Variants in XIRP2 observed in about 807,000 individuals in gnomAD.
The protein encoded by XIRP2 is xin actin-binding repeat-containing protein 2.
XIRP2 carries 236 observed loss-of-function variants against 277.0 expected under a neutral mutation model. That is an observed-to-expected ratio of 0.85 (90% CI 0.77 to 0.95). The LOEUF (loss-of-function observed/expected upper bound fraction) is 0.95. Ranked by LOEUF, XIRP2 falls within the 40% of genes least tolerant of loss-of-function variation. XIRP2 has a pLI of 0.00. For synonymous variants in XIRP2, 1,490 were observed against 1,416.5 expected (o/e 1.05, Z -1.17); for missense variants, 4,640 against 4,157.5 (o/e 1.12, Z -3.19).
intron 2 of XIRP2, among the ~76,000 whole-genome samples, chr2:166,951,474 T>G (rs529384487): frequency 1.3e-5 from 2 of 151,722 alleles, no homozygotes; most frequent in Non-Finnish European, 2.9e-5. Context: ...AAGGCAGAGG[T>G]TGCAGTGAGC....
intron 2 of XIRP2, among the ~76,000 whole-genome samples, chr2:167,127,052 T>G (rs1331138477): frequency 6.6e-6 from 1 of 152,202 alleles, no homozygotes; most frequent in Non-Finnish European, 1.5e-5. Flanking sequence ...GCCAACTCTC[T>G]TCTATAGGAA....
chr2:167,192,025 A>G (rs904008634), intron 3 of XIRP2, among the ~76,000 whole-genome samples: 82 of 152,340 alleles, frequency 5.4e-4, no homozygotes, highest in African/African-American at 2.0e-3. Flanking sequence ...AGTTATCAAC[A>G]TAGAAAAGCT....
chr2:167,214,122 GAAGGAAGGAAGGAAGC>G lies in XIRP2; in HGVS notation c.723+3230_723+3245del, dbSNP rs1309407939. On this transcript the variant is annotated intron_variant, in intron 4 of 10. Transcript: ENST00000409195. ...GGAAGGAAGGAAGGAAGGAAGGAAG[GAAGGAAGGAAGGAAGC>G]AAAGAGAAAGAGAAAGAAGGAAAGA... Among the ~76,000 whole-genome samples the G allele has an allele frequency of 1.1e-4, 14 of 123,394 alleles. 1 individual carries two copies. The highest frequency in any genetic ancestry group is 5.0e-4 in the African/African-American group (14 of 27,786). 81.0% of individuals were successfully genotyped at this position (123,394 alleles called of 152,430 possible). A position where few individuals can be genotyped will look rare whatever the true frequency, so the allele number is the denominator to read the frequency against.
chr2:167,029,332 G>A (rs955352799), intron 2 of XIRP2, among the ~76,000 whole-genome samples: 1 of 152,058 alleles, frequency 6.6e-6, no homozygotes, highest in African/African-American at 2.4e-5. Flanking sequence ...TATGATATTG[G>A]CTGTGAGTTT....
chr2:166,938,387 C>T (rs1685582488), intron 2 of XIRP2, among the ~76,000 whole-genome samples: 1 of 152,182 alleles, frequency 6.6e-6, no homozygotes, highest in Non-Finnish European at 1.5e-5. Flanking sequence ...TGTTCAGTTT[C>T]CATGTAGCTG....
intron 3 of XIRP2, among the ~76,000 whole-genome samples, chr2:167,196,281 T>C (rs551511120): frequency 6.6e-6 from 1 of 152,240 alleles, no homozygotes; most frequent in African/African-American, 2.4e-5. Flanking sequence ...AGAGATTAAA[T>C]AGTTACTAGA....
At chr2:166,937,472 T>C (rs1292616113) in intron 2 of XIRP2, among the ~76,000 whole-genome samples, 1 of 152,228 alleles carries the variant, frequency 6.6e-6, no homozygotes, top group Non-Finnish European at 1.5e-5. Flanking sequence ...ATAAGGTTTT[T>C]GATGTGCTGC....
intron 2 of XIRP2, among the ~76,000 whole-genome samples, chr2:167,003,533 A>G (rs1293185680): frequency 6.6e-6 from 1 of 151,736 alleles, no homozygotes; most frequent in Non-Finnish European, 1.5e-5. Context: ...TCAGAGTGCA[A>G]ATTTATGCAA....
intron 2 of XIRP2, among the ~76,000 whole-genome samples, chr2:166,974,913 C>G (rs1033929508): frequency 6.6e-6 from 1 of 151,808 alleles, no homozygotes; most frequent in Non-Finnish European, 1.5e-5. Flanking sequence ...AAATAAACAA[C>G]ATATATTGAA....
In XIRP2 at chr2:166,974,733, G is replaced by T. The variant is rs11901543; in HGVS notation, c.408+70843G>T. Among the ~76,000 whole-genome samples the T allele has an allele frequency of 1.5e-3, 232 of 151,942 alleles. 2 individuals are homozygous for T. The highest frequency in any genetic ancestry group is 4.9e-3 in the African/African-American group (205 of 41,512). ...GTATAGGAGTAACAAGAGAAGAGAA[G>T]AACAGATAGAACAAATATAAAAATA... On this transcript the variant is annotated intron_variant, in intron 2 of 10. Transcript: ENST00000409195.
At chr2:167,140,315 A>G (rs1378363374) in intron 3 of XIRP2, among the ~76,000 whole-genome samples, 1 of 152,220 alleles carries the variant, frequency 6.6e-6, no homozygotes, top group African/African-American at 2.4e-5. Flanking sequence ...GAATCCCCTC[A>G]GGTCAGAAGC....
chr2:167,179,642 ATTTTT>A (rs58591089), intron 3 of XIRP2, among the ~76,000 whole-genome samples: 14 of 136,404 alleles, frequency 1.0e-4, no homozygotes, highest in Non-Finnish European at 2.1e-4. Context: ...TTATCTGATA[ATTTTT>A]TTTTTTTTTT....
chr2:166,911,261 G>C (rs953682180), intron 2 of XIRP2, among the ~76,000 whole-genome samples: 6 of 152,098 alleles, frequency 3.9e-5, no homozygotes, highest in Non-Finnish European at 8.8e-5. Flanking sequence ...TCTCTTTGTA[G>C]GTCACTCAGG....
chr2:167,069,784 A>T (rs1303851002), intron 2 of XIRP2, among the ~76,000 whole-genome samples: 1 of 151,932 alleles, frequency 6.6e-6, no homozygotes, highest in Non-Finnish European at 1.5e-5. Context: ...GGTTTATTTC[A>T]TTTTTGTCAT....
intron 2 of XIRP2, among the ~76,000 whole-genome samples, chr2:167,078,325 A>G (rs1350033807): frequency 6.6e-6 from 1 of 152,122 alleles, no homozygotes; most frequent in Non-Finnish European, 1.5e-5. Flanking sequence ...GTACATTGAT[A>G]CTGTGTCCTG....
intron 2 of XIRP2, among the ~76,000 whole-genome samples, chr2:167,083,828 A>C (rs1399987725): frequency 6.6e-6 from 1 of 152,122 alleles, no homozygotes; most frequent in East Asian, 1.9e-4. Context: ...TGTCAGCTTA[A>C]GGAGATTTTG....
rs1020928084 is a variant in XIRP2, at chr2:166,934,860, A to AATT, written c.408+30970_408+30971insATT. ...TGTCTCTACTAAAAATAAAAAAAAA[A>AATT]TTTTTTAAAAAAGAAAAATAATTAA... On this transcript the variant is annotated intron_variant, in intron 2 of 10. Transcript: ENST00000409195. Among the ~76,000 whole-genome samples, 147 of 139,894 alleles carry AATT rather than the reference A, an allele frequency of 1.1e-3. No homozygotes were observed. The East Asian group carries it at 0.021, about 20-fold the overall frequency. 91.8% of individuals were successfully genotyped at this position (139,894 alleles called of 152,430 possible).
At chr2:167,155,753 T>C (rs377760645) in intron 3 of XIRP2, among the ~76,000 whole-genome samples, 1 of 151,752 alleles carries the variant, frequency 6.6e-6, no homozygotes, top group Non-Finnish European at 1.5e-5. Context: ...CCAGGGCAAT[T>C]AGGCAGGAGA....
intron 2 of XIRP2, among the ~76,000 whole-genome samples, chr2:167,102,077 T>C (rs1156886640): frequency 6.6e-6 from 1 of 152,154 alleles, no homozygotes; most frequent in Non-Finnish European, 1.5e-5. Context: ...AAATTAGTGA[T>C]CTCAACTGAA....
Sources: gnomAD v4.1 joint callset for allele counts (sites outside exome capture counted in the v4.1 genomes callset) on GRCh38, gnomAD v4.1.1 for gene constraint, MANE v1.5 for transcripts, NCBI Gene and HGNC (gene_info 2026-07-23, HGNC 2026-07-21) for gene names.